The following CDK14 variants were observed in gnomAD, a reference collection of about 807,000 sequenced individuals.
The protein encoded by CDK14 is cyclin-dependent kinase 14.
A neutral mutation model predicts 60.7 loss-of-function variants in CDK14; 34 were observed. The ratio of observed to expected loss-of-function variants is 0.56; its 90% CI spans 0.43 to 0.75. The LOEUF is 0.75. CDK14 is among the 30% of genes least tolerant of loss of function. The probability of loss-of-function intolerance (pLI) is 0.00; values close to 1 mark genes in which losing one functional copy is unlikely to be tolerated. For synonymous variants in CDK14, 197 were observed against 203.7 expected (o/e 0.97, Z 0.28); for missense variants, 482 against 564.1 (o/e 0.85, Z 1.47).
intron 10 of CDK14, among the ~76,000 whole-genome samples, chr7:91,018,996 A>G (rs1796370959): frequency 6.6e-6 from 1 of 152,048 alleles, no homozygotes; most frequent in African/African-American, 2.4e-5. Context: ...TAATACCATC[A>G]CATTGGGGAT....
intron 10 of CDK14, among the ~76,000 whole-genome samples, chr7:90,995,421 T>C (rs1024047910): frequency 6.6e-6 from 1 of 152,176 alleles, no homozygotes; most frequent in African/African-American, 2.4e-5. Flanking sequence ...CAAAGGCACC[T>C]AGCCAAGATT....
intron 12 of CDK14, among the ~76,000 whole-genome samples, chr7:91,094,790 C>A (rs111942529): frequency 6.6e-6 from 1 of 152,132 alleles, no homozygotes; most frequent in Non-Finnish European, 1.5e-5. Flanking sequence ...TTCAAAAACT[C>A]GAAAGATAGC....
At chr7:90,847,527 G>A (rs1425646858) in intron 5 of CDK14, among the ~76,000 whole-genome samples, 2 of 151,846 alleles carry the variant, frequency 1.3e-5, no homozygotes, top group African/African-American at 4.8e-5. Context: ...CTTCCACATG[G>A]GTAATTTCTT....
At chr7:91,138,771 C>A (rs1255975264) in intron 14 of CDK14, among the ~76,000 whole-genome samples, 1 of 151,610 alleles carries the variant, frequency 6.6e-6, no homozygotes, top group African/African-American at 2.4e-5. Flanking sequence ...TTTTTTTCCT[C>A]ATTTTTATAA....
At position 91,076,242 on chromosome 7, in the gene CDK14, C is replaced by CAAAAAAAAAAAAAAAA. The variant is rs564729987; in HGVS notation, c.1106-3171_1106-3156dup. Among the ~76,000 whole-genome samples the CAAAAAAAAAAAAAAAA allele has an allele frequency of 3.5e-4, 10 of 28,800 alleles. 2 individuals carry two copies. Among genetic ancestry groups the CAAAAAAAAAAAAAAAA allele is most frequent in the Non-Finnish European group, 6.9e-4 (10 of 14,460 alleles). The allele number at this position is 28,800 out of a possible 152,430, so 18.9% of individuals were successfully genotyped here. On this transcript the variant is annotated intron_variant, in intron 11 of 14. Coordinates refer to ENST00000380050, the MANE Select transcript of CDK14 (RefSeq NM_001287135.2). ...AACTATACTACAGTGCTACAGTAAC[C>CAAAAAAAAAAAAAAAA]AAAAAAAAAAAAAAAAAAAAAAAAA...
chr7:91,080,323 C>T (rs558967915), intron 12 of CDK14, among the ~76,000 whole-genome samples: 40 of 152,238 alleles, frequency 2.6e-4, no homozygotes, highest in African/African-American at 9.4e-4. Flanking sequence ...TAAAATGCTG[C>T]TAATCCGTGC....
Position 91,021,383 on chromosome 7 carries a change from A to G in CDK14, c.1042-24514A>G, listed in dbSNP as rs556020734. Among the ~76,000 whole-genome samples the G allele has an allele frequency of 1.6e-4, 25 of 152,334 alleles. 1 individual carries two copies. In the South Asian group the frequency reaches 3.1e-3, roughly 19 times the overall value. Reference sequence around the variant, plus strand: ...TGGCTTTGAGGATTAAAGAATTATTAGTTAGAAGTAAAGCACTTAGGACAA... The same window carrying G: ...TGGCTTTGAGGATTAAAGAATTATTGGTTAGAAGTAAAGCACTTAGGACAA... On this transcript the variant is annotated intron_variant, in intron 10 of 14. Coordinates refer to ENST00000380050, the MANE Select transcript of CDK14 (RefSeq NM_001287135.2).
rs75889439 is a variant in CDK14 at position 91,095,003 on chromosome 7, C to G, written c.1154+15523C>G. The stretch of plus-strand genomic sequence containing the variant: ...TAGCGGCCATAAAGATGTCATGGAA[C>G]ATTCAAGAAATTTAATTTAGTATCT... On this transcript the variant is annotated intron_variant, in intron 12 of 14. Transcript: ENST00000380050. Among the ~76,000 whole-genome samples, 454 of 152,304 alleles carry G rather than the reference C, an allele frequency of 3.0e-3. 2 individuals carry two copies. Among genetic ancestry groups the G allele is most frequent in the Middle Eastern group, 6.8e-3 (2 of 292 alleles).
intron 11 of CDK14, among the ~76,000 whole-genome samples, chr7:91,063,170 A>G (rs112987301): frequency 0.011 from 1,716 of 152,334 alleles, 16 homozygotes; most frequent in Non-Finnish European, 0.018. Flanking sequence ...AGCTACTCCT[A>G]GCTAAAACAA....
In CDK14 at chr7:91,008,138, AAAAAAAACAAAC is replaced by A. The variant is rs1364198250; in HGVS notation, c.1041+23905_1041+23916del. On this transcript the variant is annotated intron_variant, in intron 10 of 14. Coordinates refer to ENST00000380050, the MANE Select transcript of CDK14 (RefSeq NM_001287135.2). ...TGCCGGGAGAAGGCCAAAAAAAAAA[AAAAAAAACAAAC>A]AAAAAAAAACAGTGGATGGTGGAGG... is the stretch of plus-strand genomic sequence containing the variant. Among the ~76,000 whole-genome samples the A allele has an allele frequency of 9.6e-5, 14 of 145,824 alleles. No homozygotes were observed. The South Asian group carries it at 2.2e-3, about 23-fold the overall frequency.
At chr7:90,776,491 A>C (rs1805050186) in intron 4 of CDK14, among the ~76,000 whole-genome samples, 1 of 152,246 alleles carries the variant, frequency 6.6e-6, no homozygotes, top group African/African-American at 2.4e-5. Context: ...AGCACAAGTC[A>C]TCTCAATGAG....
intron 14 of CDK14, among the ~76,000 whole-genome samples, chr7:91,151,352 G>A (rs1273636260): frequency 6.6e-6 from 1 of 152,082 alleles, no homozygotes; most frequent in African/African-American, 2.4e-5. Flanking sequence ...TATTAAAAGT[G>A]GCTTGTTGCT....
At chr7:90,781,319 CT>C (rs1473914268) in intron 4 of CDK14, among the ~76,000 whole-genome samples, 1 of 151,954 alleles carries the variant, frequency 6.6e-6, no homozygotes, top group Non-Finnish European at 1.5e-5. Flanking sequence ...GATATTAGCC[CT>C]TTGTCAGATG....
Position 90,747,566 on chromosome 7 carries a change from A to G in CDK14, c.370-115A>G, listed in dbSNP as rs1803645006. 7.8e-6 allele frequency: 5 copies of G among 644,834 alleles called. No individual in the cohort carries two copies. In the South Asian group the frequency reaches 9.7e-5, roughly 12 times the overall value. The allele number at this position is 644,834 out of a possible 1,614,324, so 39.9% of individuals were successfully genotyped here. On this transcript the variant is annotated intron_variant, in intron 3 of 14. Coordinates refer to ENST00000380050, the MANE Select transcript of CDK14 (RefSeq NM_001287135.2). Reference sequence around the variant, plus strand: ...TTGAAAAATAAACATGTATGCCAGAAAAAACAGTTATTTAAAAAGTGACAG... The same window carrying G: ...TTGAAAAATAAACATGTATGCCAGAGAAAACAGTTATTTAAAAAGTGACAG...
At position 91,024,111 on chromosome 7, in the gene CDK14, A is replaced by AATGATG. The variant is rs59410115; in HGVS notation, c.1042-21750_1042-21745dup. ...TAAAGAAGCTAAGCAACCCATCCAA[A>AATGATG]ATGATGATGATGATGATGATGATGA... On this transcript the variant is annotated intron_variant, in intron 10 of 14. Transcript: ENST00000380050. 9.0e-3 allele frequency among the ~76,000 whole-genome samples: 1,337 copies of AATGATG among 149,370 alleles called. 13 individuals carry two copies. Among genetic ancestry groups the AATGATG allele is most frequent in the South Asian group, 0.037 (172 of 4,596 alleles).
intron 2 of CDK14, among the ~76,000 whole-genome samples, chr7:90,701,735 G>A (rs559716740): frequency 6.6e-6 from 1 of 152,234 alleles, no homozygotes; most frequent in African/African-American, 2.4e-5. Flanking sequence ...AGATTTATTG[G>A]GAAGAGAAGT....
At chr7:90,862,305 G>A (rs1413679675) in intron 5 of CDK14, among the ~76,000 whole-genome samples, 3 of 152,166 alleles carry the variant, frequency 2.0e-5, no homozygotes, top group Admixed American at 2.0e-4. Context: ...AACTTCAACT[G>A]TGTGATATCA....
At chr7:91,182,094 C>T (rs890439543) in intron 14 of CDK14, among the ~76,000 whole-genome samples, 2 of 151,904 alleles carry the variant, frequency 1.3e-5, no homozygotes, top group Non-Finnish European at 2.9e-5. Flanking sequence ...AAAATGATAC[C>T]TCTTTCTACA....
Position 90,693,910 on chromosome 7 carries a change from A to AT in CDK14, c.124-32656dup, listed in dbSNP as rs1801604757. ...CTGCTTTTTAAAATGGACTTATAGT[A>AT]TAAAGAGGCTAGTGTAAGAAATATC... On this transcript the variant is annotated intron_variant, in intron 2 of 14. Coordinates refer to ENST00000380050, the MANE Select transcript of CDK14 (RefSeq NM_001287135.2). Among the ~76,000 whole-genome samples the AT allele has an allele frequency of 2.0e-5, 3 of 152,340 alleles. No homozygotes were observed. In the South Asian group the frequency reaches 6.2e-4, roughly 32 times the overall value.
Sources: gnomAD v4.1 joint callset for allele counts (sites outside exome capture counted in the v4.1 genomes callset) on GRCh38, gnomAD v4.1.1 for gene constraint, MANE v1.5 for transcripts, NCBI Gene and HGNC (gene_info 2026-07-23, HGNC 2026-07-21) for gene names.